Variants in ITGBL1 observed in about 807,000 individuals in gnomAD.
The protein encoded by ITGBL1 is integrin subunit beta like 1, also known as integrin beta-like protein 1.
Under a neutral mutation model 68.5 loss-of-function variants are expected in ITGBL1, and 51 were observed. The observed-to-expected ratio is 0.74, with a 90% CI of 0.59 to 0.94. ITGBL1 has a LOEUF of 0.94. ITGBL1 is among the 40% of genes least tolerant of loss of function. ITGBL1 has a pLI of 0.00. For missense variants in ITGBL1, 649 were observed against 647.4 expected, an observed-to-expected ratio of 1.00 and a Z score of -0.03; for synonymous variants, 209 against 227.3, an observed-to-expected ratio of 0.92 and a Z score of 0.72.
intron 3 of ITGBL1, among the ~76,000 whole-genome samples, chr13:101,568,443 G>A (rs972862216): frequency 2.0e-5 from 3 of 152,170 alleles, no homozygotes; most frequent in East Asian, 1.9e-4. Flanking sequence ...GGTATTTAGC[G>A]AGTGTTACCG....
intron 2 of ITGBL1, among the ~76,000 whole-genome samples, chr13:101,496,275 A>G (rs1201651809): frequency 6.6e-6 from 1 of 152,166 alleles, no homozygotes; most frequent in Non-Finnish European, 1.5e-5. Context: ...CCCTGGGCAT[A>G]TAGTTGGGAG....
intron 7 of ITGBL1, among the ~76,000 whole-genome samples, chr13:101,633,017 G>C (rs2032038135): frequency 6.6e-6 from 1 of 152,214 alleles, no homozygotes; most frequent in Admixed American, 6.5e-5. Context: ...TTTCTCCCAA[G>C]TTCCCAGGTG....
At chr13:101,711,699 C>T (rs2034473986) in intron 9 of ITGBL1, 1 of 152,194 alleles carries the variant, frequency 6.6e-6, no homozygotes, top group African/African-American at 2.4e-5. Context: ...AATTTCATTT[C>T]TTTCCCCTTC....
chr13:101,480,804 T>C (rs922835929), intron 2 of ITGBL1, among the ~76,000 whole-genome samples: 1 of 151,998 alleles, frequency 6.6e-6, no homozygotes, highest in Admixed American at 6.6e-5. Context: ...GAGTTGGGGT[T>C]GTTTTGAAAA....
At chr13:101,709,835 C>T (rs2034382275) in intron 9 of ITGBL1, among the ~76,000 whole-genome samples, 1 of 152,204 alleles carries the variant, frequency 6.6e-6, no homozygotes, top group Admixed American at 6.5e-5. Flanking sequence ...CACACAAAGC[C>T]ATACCCTCCA....
intron 2 of ITGBL1, among the ~76,000 whole-genome samples, chr13:101,534,636 A>C (rs1388861282): frequency 2.0e-5 from 3 of 152,114 alleles, no homozygotes; most frequent in Non-Finnish European, 4.4e-5. Flanking sequence ...CTTCCTGATG[A>C]AGCAGAAAAA....
At chr13:101,498,092 A>G (rs1444251776) in intron 2 of ITGBL1, among the ~76,000 whole-genome samples, 1 of 152,076 alleles carries the variant, frequency 6.6e-6, no homozygotes, top group African/African-American at 2.4e-5. Flanking sequence ...GCACATCTTA[A>G]TATATCTGAC....
chr13:101,674,097 C>T (rs866950693), intron 7 of ITGBL1, among the ~76,000 whole-genome samples: 1 of 152,298 alleles, frequency 6.6e-6, no homozygotes, highest in East Asian at 1.9e-4. Context: ...ATGAAGAAAG[C>T]GTTTTCATGC....
intron 3 of ITGBL1, among the ~76,000 whole-genome samples, chr13:101,569,940 C>A (rs980979414): frequency 6.6e-6 from 1 of 152,076 alleles, no homozygotes; most frequent in African/African-American, 2.4e-5. Context: ...TACTTTAAAG[C>A]CATACATGTA....
At chr13:101,510,769 G>A (rs2049103229) in intron 2 of ITGBL1, among the ~76,000 whole-genome samples, 1 of 151,926 alleles carries the variant, frequency 6.6e-6, no homozygotes, top group South Asian at 2.1e-4. Flanking sequence ...TTTTTCATAT[G>A]TTTGTTGATC....
intron 7 of ITGBL1, among the ~76,000 whole-genome samples, chr13:101,601,151 G>C (rs914034735): frequency 1.3e-5 from 2 of 152,112 alleles, no homozygotes; most frequent in African/African-American, 4.8e-5. Flanking sequence ...CTTCTTCCTG[G>C]TTTAGTCTTG....
intron 7 of ITGBL1, among the ~76,000 whole-genome samples, chr13:101,632,496 C>G (rs1280347126): frequency 6.6e-6 from 1 of 152,164 alleles, no homozygotes; most frequent in African/African-American, 2.4e-5. Flanking sequence ...AAAGTGCACA[C>G]CTACTCTGTG....
intron 2 of ITGBL1, among the ~76,000 whole-genome samples, chr13:101,492,841 G>T (rs539713975): frequency 6.6e-6 from 1 of 152,216 alleles, no homozygotes; most frequent in East Asian, 1.9e-4. Flanking sequence ...TCCCAAAGCC[G>T]AATATTAACT....
At chr13:101,488,616 A>G (rs2048733188) in intron 2 of ITGBL1, among the ~76,000 whole-genome samples, 1 of 152,176 alleles carries the variant, frequency 6.6e-6, no homozygotes, top group African/African-American at 2.4e-5. Flanking sequence ...AGTGCAGTTT[A>G]CTGAGCATGT....
At chr13:101,538,431 A>G (rs1391259266) in intron 2 of ITGBL1, among the ~76,000 whole-genome samples, 1 of 152,124 alleles carries the variant, frequency 6.6e-6, no homozygotes, top group Non-Finnish European at 1.5e-5. Flanking sequence ...GTAAACAAAA[A>G]GGAAGAAACA....
At chr13:101,632,145 C>A (rs561967451) in intron 7 of ITGBL1, among the ~76,000 whole-genome samples, 3,708 of 149,436 alleles carry the variant, frequency 0.025, 58 homozygotes, top group African/African-American at 0.05. Context: ...CTCTCTCTCT[C>A]TCTCTATATA....
intron 2 of ITGBL1, among the ~76,000 whole-genome samples, chr13:101,488,426 C>T (rs922137251): frequency 9.2e-5 from 14 of 152,300 alleles, no homozygotes; most frequent in East Asian, 1.9e-4. Context: ...AGCTTTCCCA[C>T]GTTCACTGCT....
chr13:101,553,346 A>C (rs1168814726), intron 2 of ITGBL1, among the ~76,000 whole-genome samples: 3 of 152,178 alleles, frequency 2.0e-5, no homozygotes, highest in African/African-American at 7.2e-5. Context: ...GATTCATGTA[A>C]ATTTCAACCC....
intron 8 of ITGBL1, among the ~76,000 whole-genome samples, chr13:101,701,909 GA>G (rs2034145369): frequency 6.6e-6 from 1 of 152,164 alleles, no homozygotes; most frequent in East Asian, 1.9e-4. Flanking sequence ...TTCTAGAGAT[GA>G]ATGGTGGTGA....
Sources: gnomAD v4.1 joint callset for allele counts (sites outside exome capture counted in the v4.1 genomes callset) on GRCh38, gnomAD v4.1.1 for gene constraint, MANE v1.5 for transcripts, NCBI Gene and HGNC (gene_info 2026-07-23, HGNC 2026-07-21) for gene names.